The following SAXO5 variants were observed in gnomAD, a reference collection of about 807,000 sequenced individuals.
The protein encoded by SAXO5 is testis expressed 45.
chr19:7,501,165 C>T, the SAXO5 span: 57 of 1,514,212 alleles, frequency 3.8e-5, no homozygotes, highest in African/African-American at 7.2e-4. Flanking sequence ...CAACCTGCAC[C>T]TGCACGAGGA....
At chr19:7,506,259 G>A in the SAXO5 span, 1 of 1,084,154 alleles carries the variant, frequency 9.2e-7, no homozygotes, top group Non-Finnish European at 1.3e-6. Flanking sequence ...TCCCCATGGA[G>A]CCCCGCCCCC....
chr19:7,506,823 A>G, the SAXO5 span: 1 of 199,444 alleles, frequency 5.0e-6, no homozygotes, highest in Non-Finnish European at 9.1e-6. Context: ...CCTCTTCCCC[A>G]GCGCCTACCT....
chr19:7,501,211 C>A, the SAXO5 span: 2 of 1,543,470 alleles, frequency 1.3e-6, no homozygotes, highest in Non-Finnish European at 1.7e-6. Context: ...AACGCGCACG[C>A]CGCCTACGGC....
the SAXO5 span, chr19:7,501,440 T>C: frequency 2.1e-6 from 3 of 1,438,682 alleles, no homozygotes; most frequent in Middle Eastern, 2.3e-4. Flanking sequence ...TTGCTTCACA[T>C]TGTGGTTCTC....
chr19:7,505,786 C>T, the SAXO5 span, among the ~76,000 whole-genome samples: 5 of 152,140 alleles, frequency 3.3e-5, no homozygotes, highest in African/African-American at 9.7e-5. Flanking sequence ...CACTCCGATC[C>T]TCCTCCGTGG....
At chr19:7,505,621 G>C in the SAXO5 span, 2 of 1,614,022 alleles carry the variant, frequency 1.2e-6, no homozygotes, top group Non-Finnish European at 8.5e-7. Flanking sequence ...GTACTTCTAC[G>C]GCCAGGTGAG....
At chr19:7,508,305 C>T in the SAXO5 span, 6 of 1,613,928 alleles carry the variant, frequency 3.7e-6, no homozygotes, top group South Asian at 4.4e-5. Context: ...CCCAGCAGCC[C>T]TGAGACTGAA....
At chr19:7,507,045 T>G in the SAXO5 span, 1 of 1,612,436 alleles carries the variant, frequency 6.2e-7, no homozygotes, top group South Asian at 1.1e-5. Context: ...CTCCCCAACC[T>G]GAATCTCCAG....
At chr19:7,501,828 GGAAA>G in the SAXO5 span, among the ~76,000 whole-genome samples, 3 of 148,138 alleles carry the variant, frequency 2.0e-5, no homozygotes, top group East Asian at 4.0e-4. Context: ...CTCAAAAAAA[GGAAA>G]GAAAGAAAGG....
At chr19:7,506,622 C>T in the SAXO5 span, 3 of 358,212 alleles carry the variant, frequency 8.4e-6, no homozygotes, top group Non-Finnish European at 1.6e-5. Context: ...CCCTGACCTT[C>T]TTAGCCCTAT....
chr19:7,501,295 C>T, the SAXO5 span: 1 of 1,573,726 alleles, frequency 6.4e-7, no homozygotes, highest in Non-Finnish European at 8.5e-7. Context: ...GACTCCCTGC[C>T]TCCTGGCGAC....
the SAXO5 span, chr19:7,508,358 G>A: frequency 6.8e-6 from 11 of 1,613,872 alleles, no homozygotes; most frequent in African/African-American, 2.7e-5. Context: ...CGCCTCACCA[G>A]CGCGGCTGCA....
chr19:7,507,770 T>G, the SAXO5 span, among the ~76,000 whole-genome samples: 1 of 152,030 alleles, frequency 6.6e-6, no homozygotes, highest in South Asian at 2.1e-4. Context: ...CATCTTCTTA[T>G]CCAGCTCCTC....
At chr19:7,500,160 T>G in the SAXO5 span, among the ~76,000 whole-genome samples, 1 of 152,128 alleles carries the variant, frequency 6.6e-6, no homozygotes. Context: ...CATTATCAAT[T>G]CCACAAAGGC....
the SAXO5 span, chr19:7,501,460 C>T: frequency 7.2e-7 from 1 of 1,390,960 alleles, no homozygotes; most frequent in Non-Finnish European, 9.3e-7. Flanking sequence ...CAAACAGGGG[C>T]AAGGGCTCTT....
chr19:7,497,719 G>A, the SAXO5 span: 3 of 152,292 alleles, frequency 2.0e-5, no homozygotes, highest in African/African-American at 7.2e-5. Flanking sequence ...GTACAGAGGT[G>A]AAAACTGAGG....
At chr19:7,504,086 C>CTCTCTCTCTCTCTCTCTT in the SAXO5 span, 2 of 1,467,442 alleles carry the variant, frequency 1.4e-6, no homozygotes, top group African/African-American at 1.4e-5. Flanking sequence ...CTCAATCTCT[C>CTCTCTCTCTCTCTCTCTT]TCTCTCTCCC....
chr19:7,498,690 C>T, the SAXO5 span, among the ~76,000 whole-genome samples: 3 of 152,120 alleles, frequency 2.0e-5, no homozygotes, highest in East Asian at 3.9e-4. Flanking sequence ...CCACTGCACC[C>T]GTCTGATCCA....
the SAXO5 span, chr19:7,506,928 T>A: frequency 1.4e-6 from 1 of 701,514 alleles, no homozygotes; most frequent in Non-Finnish European, 2.5e-6. Context: ...CTAATCCATT[T>A]TTCTCCCCTG....
Sources: gnomAD v4.1 joint callset for allele counts (sites outside exome capture counted in the v4.1 genomes callset) on GRCh38, gnomAD v4.1.1 for gene constraint, MANE v1.5 for transcripts, NCBI Gene and HGNC (gene_info 2026-07-23, HGNC 2026-07-21) for gene names.